Variants in SHROOM4 observed in about 807,000 individuals in gnomAD.
SHROOM4 encodes the protein shroom family member 4.
In SHROOM4, 17 loss-of-function variants were observed where a neutral mutation model predicts 80.3. The observed-to-expected ratio is 0.21, with a 90% CI of 0.14 to 0.32. The LOEUF (loss-of-function observed/expected upper bound fraction) is 0.32, where lower values mean the gene tolerates loss of function less well. SHROOM4 is among the 10% of genes least tolerant of loss of function. The probability of loss-of-function intolerance (pLI) is 1.00; values close to 1 mark genes in which losing one functional copy is unlikely to be tolerated. For missense variants in SHROOM4, 993 were observed against 1,140.3 expected (o/e 0.87, Z 1.86); for synonymous variants, 400 against 437.5 (o/e 0.91, Z 1.07).
At chrX:50,580,919 C>G in the SHROOM4 span, among the ~76,000 whole-genome samples, 2 of 112,146 alleles carry the variant, frequency 1.8e-5, no homozygotes, top group Admixed American at 1.9e-4. Flanking sequence ...TTGTCATTTC[C>G]TGAATACCAT....
At chrX:50,687,162 C>G (rs1054531689) in intron 2 of SHROOM4, 1 of 110,693 alleles carries the variant, frequency 9.0e-6, no homozygotes, top group Non-Finnish European at 1.9e-5. Context: ...TGCTTTATAC[C>G]AGGGGCCAGC....
intron 2 of SHROOM4, among the ~76,000 whole-genome samples, chrX:50,693,316 C>T (rs1412089288): frequency 2.7e-5 from 3 of 110,763 alleles, no homozygotes; most frequent in African/African-American, 9.9e-5. Flanking sequence ...CCTGTAATCC[C>T]AGCACTTTGG....
At chrX:50,618,154 A>C (rs1340721051) in intron 5 of SHROOM4, among the ~76,000 whole-genome samples, 1 of 111,040 alleles carries the variant, frequency 9.0e-6, no homozygotes, top group Non-Finnish European at 1.9e-5. Flanking sequence ...GGCCTCCTAA[A>C]TGTACAGAAA....
intron 1 of SHROOM4, among the ~76,000 whole-genome samples, chrX:50,706,826 T>C (rs1389135468): frequency 8.9e-6 from 1 of 111,869 alleles, no homozygotes; most frequent in African/African-American, 3.3e-5. Flanking sequence ...TGTTAGACTC[T>C]CAATTTAGTG....
At chrX:50,765,187 T>G (rs1402726589) in intron 1 of SHROOM4, among the ~76,000 whole-genome samples, 1 of 111,979 alleles carries the variant, frequency 8.9e-6, no homozygotes, top group Non-Finnish European at 1.9e-5. Context: ...ATTTTTAGAT[T>G]TGCAGATGAG....
At chrX:50,612,812 A>G (rs1316506434) in intron 5 of SHROOM4, among the ~76,000 whole-genome samples, 2 of 109,401 alleles carry the variant, frequency 1.8e-5, no homozygotes, top group East Asian at 5.6e-4. Context: ...AATGTATTTG[A>G]TAACAATTCA....
At chrX:50,654,880 C>T (rs781932397) in intron 2 of SHROOM4, among the ~76,000 whole-genome samples, 114 of 106,519 alleles carry the variant, frequency 1.1e-3, no homozygotes, top group African/African-American at 3.7e-3. Context: ...TGAATGATCC[C>T]AACACCTGGG....
In SHROOM4 at chrX:50,741,369, T is replaced by C. The variant is rs5915309; in HGVS notation, c.118-45432A>G. ...TAAGATAGAAGTAAGTTTTGAGAGCTATGCACAGCAGGGTGACTAGAGTCA... is the reference window on the plus strand; with the variant it reads ...TAAGATAGAAGTAAGTTTTGAGAGCCATGCACAGCAGGGTGACTAGAGTCA... On this transcript the variant is annotated intron_variant, in intron 1 of 8. Coordinates refer to ENST00000376020, the MANE Select transcript of SHROOM4 (RefSeq NM_020717.5). Among the ~76,000 whole-genome samples the C allele has an allele frequency of 6.8e-3, 746 of 110,383 alleles. 1 individual carries two copies. Among genetic ancestry groups the C allele is most frequent in the Non-Finnish European group, 0.01 (530 of 52,778 alleles).
intron 1 of SHROOM4, among the ~76,000 whole-genome samples, chrX:50,720,405 A>G (rs1405543952): frequency 8.9e-6 from 1 of 112,047 alleles, no homozygotes; most frequent in Non-Finnish European, 1.9e-5. Flanking sequence ...GTCTGCTCAG[A>G]AACTCCTCCT....
chrX:50,687,643 C>T (rs1487321028), intron 2 of SHROOM4, among the ~76,000 whole-genome samples: 1 of 111,019 alleles, frequency 9.0e-6, no homozygotes, highest in African/African-American at 3.3e-5. Flanking sequence ...GTGGCCTAGA[C>T]AAGGCTCAAA....
chrX:50,700,187 T>C (rs7056602), intron 1 of SHROOM4, among the ~76,000 whole-genome samples: 2,564 of 112,343 alleles, frequency 0.023, 84 homozygotes, highest in African/African-American at 0.08. Flanking sequence ...AACATAATTG[T>C]TTAAATTGAT....
chrX:50,776,048 C>G (rs1557270085), intron 1 of SHROOM4, among the ~76,000 whole-genome samples: 1 of 111,808 alleles, frequency 8.9e-6, no homozygotes, highest in East Asian at 2.8e-4. Context: ...GCACTTCCAG[C>G]CTTTGAGCCA....
In SHROOM4 at chrX:50,602,735, A is replaced by G; in HGVS notation, c.3840T>C (p.Ser1280=). 1 of 1,211,644 alleles carries G rather than the reference A, an allele frequency of 8.3e-7. No homozygotes were observed. Residue 1280 remains serine (S), a synonymous_variant, in exon 7 of 9, where the codon TCT becomes TCC. Transcript: ENST00000376020. ...TGTTCAGCAGCTCTGCCTTGGCCAC[A>G]GAAATATTGTAATAAGCTGAGTAAG... ...PTSYSAYYNI[S]VAKAELLNKL...
At chrX:50,583,997 C>T (rs1185303550), downstream of SHROOM4, among the ~76,000 whole-genome samples, 1 of 112,025 alleles carries the variant, frequency 8.9e-6, no homozygotes, top group Admixed American at 9.5e-5. Context: ...GCATGATATA[C>T]CCTACATCAG....
chrX:50,702,859 T>G (rs147312785), intron 1 of SHROOM4, among the ~76,000 whole-genome samples: 11 of 112,015 alleles, frequency 9.8e-5, no homozygotes, highest in Non-Finnish European at 1.5e-4. Flanking sequence ...ATGGGGGCAG[T>G]TTCCCCAATG....
intron 4 of SHROOM4, among the ~76,000 whole-genome samples, chrX:50,628,987 C>G (rs1930933040): frequency 1.8e-5 from 2 of 111,869 alleles, no homozygotes; most frequent in Admixed American, 1.9e-4. Context: ...TTCCTGCCTG[C>G]AAAGACACCA....
intron 2 of SHROOM4, among the ~76,000 whole-genome samples, chrX:50,645,819 C>T (rs1343644657): frequency 2.7e-5 from 3 of 111,388 alleles, no homozygotes; most frequent in Non-Finnish European, 5.6e-5. Flanking sequence ...ACTCAGGAGA[C>T]GTGAACTTGG....
intron 2 of SHROOM4, among the ~76,000 whole-genome samples, chrX:50,685,116 C>T (rs1175622136): frequency 9.0e-6 from 1 of 111,667 alleles, no homozygotes; most frequent in African/African-American, 3.3e-5. Context: ...GGAGGGCATC[C>T]AGACAAGAGG....
At chrX:50,669,659 A>C (rs1346777940) in intron 2 of SHROOM4, among the ~76,000 whole-genome samples, 1 of 111,885 alleles carries the variant, frequency 8.9e-6, no homozygotes, top group Non-Finnish European at 1.9e-5. Context: ...TTATCAACTA[A>C]GTTTGTTGAA....
Sources: allele counts gnomAD v4.1 joint callset (sites outside exome capture counted in the v4.1 genomes callset), GRCh38; gene constraint gnomAD v4.1.1; transcripts MANE v1.5; gene names NCBI Gene and HGNC (gene_info 2026-07-23, HGNC 2026-07-21).